NRG3: variants seen among roughly 807,000 people sequenced by gnomAD.
The protein encoded by NRG3 is neuregulin 3, also known as pro-neuregulin-3, membrane-bound isoform.
In NRG3, 31 loss-of-function variants were observed where a neutral mutation model predicts 66.9. That is an observed-to-expected ratio of 0.46 (90% CI 0.35 to 0.63). The LOEUF (loss-of-function observed/expected upper bound fraction) is 0.63, where lower values mean the gene tolerates loss of function less well. Among genes scored for constraint, NRG3 ranks in the 20% least tolerant of loss-of-function variants. NRG3 has a pLI of 0.00. For synonymous variants in NRG3, 393 were observed against 359.4 expected, an observed-to-expected ratio of 1.09 and a Z score of -1.06; for missense variants, 910 against 878.9, an observed-to-expected ratio of 1.04 and a Z score of -0.45.
chr10:82,183,493 T>C (rs1464561327), intron 1 of NRG3, among the ~76,000 whole-genome samples: 1 of 152,102 alleles, frequency 6.6e-6, no homozygotes, highest in African/African-American at 2.4e-5. Flanking sequence ...TTTGTTTTGC[T>C]TTTTAAACTA....
At chr10:82,097,542 A>G (rs112466600) in intron 1 of NRG3, among the ~76,000 whole-genome samples, 1 of 150,948 alleles carries the variant, frequency 6.6e-6, no homozygotes, top group African/African-American at 2.4e-5. Context: ...ATATATATAT[A>G]GGCACACCCA....
intron 1 of NRG3, among the ~76,000 whole-genome samples, chr10:82,146,302 T>C (rs929799351): frequency 3.9e-5 from 6 of 152,184 alleles, no homozygotes; most frequent in African/African-American, 1.4e-4. Context: ...AGTATTTGTC[T>C]TACTCCAAAT....
rs201500076 is a variant in NRG3, at chr10:82,502,177, G to GT, written c.953+143316dup. 1.1e-3 allele frequency among the ~76,000 whole-genome samples: 162 copies of GT among 152,122 alleles called. 2 individuals are homozygous for GT. The East Asian group carries it at 0.013, about 12-fold the overall frequency. ...AAAAAAATTAGGGTTTTTTTTGTTT[G>GT]TTTTTTTGTGTTTTATTAGCAATCT... On this transcript the variant is annotated intron_variant, in intron 2 of 8. Coordinates refer to ENST00000372141, the MANE Select transcript of NRG3 (RefSeq NM_001010848.4).
chr10:82,183,526 G>A (rs527788326), intron 1 of NRG3, among the ~76,000 whole-genome samples: 30 of 151,862 alleles, frequency 2.0e-4, no homozygotes, highest in African/African-American at 6.0e-4. Context: ...TTTTGTCTGC[G>A]GACCACATAC....
rs1033490522 is a variant in NRG3 at position 81,992,868 on chromosome 10, T to C, written c.823+116705T>C. ...CCCAAAGAATAAAAGAGATCTATGG[T>C]CAATAGTGTAGCCATCTTACAGGGT... On this transcript the variant is annotated intron_variant, in intron 1 of 8. Transcript: ENST00000372141. 4.6e-5 allele frequency among the ~76,000 whole-genome samples: 7 copies of C among 152,300 alleles called. No individual in the cohort carries two copies. In the South Asian group the frequency reaches 1.5e-3, roughly 32 times the overall value.
At chr10:81,927,139 A>C (rs1846884410) in intron 1 of NRG3, among the ~76,000 whole-genome samples, 2 of 152,358 alleles carry the variant, frequency 1.3e-5, no homozygotes, top group South Asian at 4.1e-4. Flanking sequence ...TTTAGCAAGT[A>C]TAAGATGAAT....
intron 1 of NRG3, among the ~76,000 whole-genome samples, chr10:82,073,934 T>A (rs1331696262): frequency 6.6e-6 from 1 of 152,208 alleles, no homozygotes; most frequent in African/African-American, 2.4e-5. Flanking sequence ...TTAAACCGAA[T>A]TCCTGTACTT....
chr10:82,738,763 G>A (rs2058276851), intron 3 of NRG3, 113 bp downstream of exon 3: 3 of 904,044 alleles, frequency 3.3e-6, no homozygotes, highest in South Asian at 1.4e-5. Flanking sequence ...TCTGAAAGCT[G>A]CCAAGGACAG....
rs1288153413 is a variant in NRG3 at position 82,372,278 on chromosome 10, A to G, written c.953+13410A>G. On this transcript the variant is annotated intron_variant, in intron 2 of 8. Coordinates refer to ENST00000372141, the MANE Select transcript of NRG3 (RefSeq NM_001010848.4). ...GATGCAATTAGAAGTAATCAGCTTC[A>G]TGTCATAAATTTTTGATGCAATTGG... 4.6e-5 allele frequency among the ~76,000 whole-genome samples: 7 copies of G among 152,276 alleles called. No homozygotes were observed. The East Asian group carries it at 1.4e-3, about 29-fold the overall frequency.
chr10:82,095,456 G>T (rs1190040953), intron 1 of NRG3, among the ~76,000 whole-genome samples: 3 of 152,180 alleles, frequency 2.0e-5, no homozygotes, highest in African/African-American at 7.2e-5. Context: ...GAAGGCTGGG[G>T]AGGGGCAGAA....
intron 2 of NRG3, among the ~76,000 whole-genome samples, chr10:82,624,664 A>G (rs1017711198): frequency 4.0e-5 from 6 of 150,176 alleles, no homozygotes; most frequent in Non-Finnish European, 5.9e-5. Context: ...TATATTTGCT[A>G]TGGTTTCTAC....
At chr10:82,268,055 C>G (rs921815411) in intron 1 of NRG3, among the ~76,000 whole-genome samples, 5 of 152,116 alleles carry the variant, frequency 3.3e-5, no homozygotes, top group African/African-American at 1.2e-4. Flanking sequence ...ATTTTTTAAG[C>G]TCTTCCTCTT....
intron 1 of NRG3, among the ~76,000 whole-genome samples, chr10:82,071,062 C>T (rs1185895067): frequency 6.6e-6 from 1 of 152,160 alleles, no homozygotes; most frequent in Non-Finnish European, 1.5e-5. Context: ...AATTTATGTA[C>T]TCTGCCCCGA....
intron 2 of NRG3, among the ~76,000 whole-genome samples, chr10:82,570,691 G>A (rs1427782823): frequency 6.6e-6 from 1 of 151,590 alleles, no homozygotes; most frequent in African/African-American, 2.4e-5. Context: ...AGATTGAGGG[G>A]AAATTTTGCA....
chr10:82,527,443 G>A (rs893688949), intron 2 of NRG3, among the ~76,000 whole-genome samples: 5 of 152,160 alleles, frequency 3.3e-5, no homozygotes, highest in African/African-American at 1.2e-4. Context: ...AGGAATTATA[G>A]AGGGCTTCTG....
At position 81,920,013 on chromosome 10, in the gene NRG3, C is replaced by T. The variant is rs117370710; in HGVS notation, c.823+43850C>T. Among the ~76,000 whole-genome samples the T allele has an allele frequency of 2.3e-3, 347 of 152,250 alleles. 2 individuals are homozygous for T. Among genetic ancestry groups the T allele is most frequent in the Admixed American group, 4.8e-3 (73 of 15,302 alleles). ...AAAAATTAAATAACAATAAAAATAA[C>T]TTTATAAGACGTGCCTCAAGGCAGA... On this transcript the variant is annotated intron_variant, in intron 1 of 8. Coordinates refer to ENST00000372141, the MANE Select transcript of NRG3 (RefSeq NM_001010848.4).
intron 2 of NRG3, among the ~76,000 whole-genome samples, chr10:82,521,722 G>A (rs2132547169): frequency 6.6e-6 from 1 of 152,296 alleles, no homozygotes; most frequent in Middle Eastern, 3.4e-3. Context: ...TCTGTAGCAT[G>A]TGACGCCCTT....
At chr10:82,558,364 AT>A (rs1467184169) in intron 2 of NRG3, among the ~76,000 whole-genome samples, 4 of 152,074 alleles carry the variant, frequency 2.6e-5, no homozygotes, top group Non-Finnish European at 5.9e-5. Context: ...CTCAGCTAAG[AT>A]TTTTTTGTAG....
intron 1 of NRG3, among the ~76,000 whole-genome samples, chr10:82,229,878 G>A (rs768890179): frequency 1.2e-4 from 19 of 152,040 alleles, no homozygotes; most frequent in Non-Finnish European, 2.1e-4. Context: ...ATAACCTAAA[G>A]GAGAATAGAA....
Sources: allele counts gnomAD v4.1 joint callset (sites outside exome capture counted in the v4.1 genomes callset), GRCh38; gene constraint gnomAD v4.1.1; transcripts MANE v1.5; gene names NCBI Gene and HGNC (gene_info 2026-07-23, HGNC 2026-07-21).